The following DOCK8 variants were observed in gnomAD, a reference collection of about 807,000 sequenced individuals.
DOCK8 encodes the protein dedicator of cytokinesis protein 8.
A neutral mutation model predicts 245.6 loss-of-function variants in DOCK8; 141 were observed. The observed-to-expected ratio is 0.57, with a 90% CI of 0.50 to 0.66. The LOEUF (loss-of-function observed/expected upper bound fraction) is 0.66. Among genes scored for constraint, DOCK8 ranks in the 30% least tolerant of loss-of-function variants. DOCK8 has a pLI of 0.00. For synonymous variants in DOCK8, 1,168 were observed against 970.2 expected (o/e 1.20, Z -3.79); for missense variants, 2,965 against 2,603.4 (o/e 1.14, Z -3.02).
chr9:386,352 C>T lies in DOCK8; in HGVS notation c.2800C>T (p.Arg934Ter). 1 of 1,613,822 alleles carries T rather than the reference C, an allele frequency of 6.2e-7. No homozygotes were observed. The highest frequency in any genetic ancestry group is 8.5e-7 in the Non-Finnish European group (1 of 1,179,828). Reference sequence around the variant, plus strand: ...TTAGATCGCCGATCGCAACTGCAGCCGAATGTCTTACTATTGCTCTGGCAG... The same window carrying T: ...TTAGATCGCCGATCGCAACTGCAGCTGAATGTCTTACTATTGCTCTGGCAG... ...SSKIADRNCSRMSYYCSGSSD... is the reference protein window; with the variant it reads ...SSKIADRNCS Residue 934 changes from arginine to a stop codon, truncating the protein, a stop_gained, in exon 23 of 48, where the codon CGA becomes TGA. Transcript: ENST00000432829. LOFTEE classifies it high-confidence loss of function.
intron 4 of DOCK8, among the ~76,000 whole-genome samples, chr9:293,622 G>C (rs2049136649): frequency 6.6e-6 from 1 of 152,230 alleles, no homozygotes; most frequent in Non-Finnish European, 1.5e-5. Context: ...TATTCAGTGA[G>C]TTCCCCTTTG....
intron 1 of DOCK8, among the ~76,000 whole-genome samples, chr9:226,877 A>T (rs940028274): frequency 6.6e-6 from 1 of 152,234 alleles, no homozygotes; most frequent in Non-Finnish European, 1.5e-5. Flanking sequence ...ATATTTTTAC[A>T]TAAGAAGGAA....
chr9:297,233 T>C (rs1475957187), intron 4 of DOCK8, among the ~76,000 whole-genome samples: 1 of 152,134 alleles, frequency 6.6e-6, no homozygotes, highest in Non-Finnish European at 1.5e-5. Flanking sequence ...TTTCCCCCTA[T>C]TTCATACTTG....
intron 32 of DOCK8, among the ~76,000 whole-genome samples, chr9:421,739 A>G (rs772363213): frequency 2.6e-5 from 4 of 152,200 alleles, no homozygotes; most frequent in Non-Finnish European, 4.4e-5. Flanking sequence ...CCCTCATTTG[A>G]CACCCATACT....
chr9:409,097 C>T (rs896367627), intron 28 of DOCK8, among the ~76,000 whole-genome samples: 4 of 148,820 alleles, frequency 2.7e-5, no homozygotes, highest in Non-Finnish European at 5.9e-5. Flanking sequence ...TCCTATTGAT[C>T]AGCACTTCCT....
chr9:274,865 T>C (rs1359217476), intron 2 of DOCK8, among the ~76,000 whole-genome samples: 2 of 152,218 alleles, frequency 1.3e-5, no homozygotes, highest in Admixed American at 6.5e-5. Context: ...CTGACCTTCG[T>C]TTCTCTTACC....
At chr9:222,758 G>A (rs1343031776) in intron 1 of DOCK8, among the ~76,000 whole-genome samples, 2 of 152,154 alleles carry the variant, frequency 1.3e-5, no homozygotes, top group Non-Finnish European at 2.9e-5. Context: ...TTAATAGGTG[G>A]ATTAATGATA....
chr9:363,783 A>G (rs35201673), intron 14 of DOCK8, among the ~76,000 whole-genome samples: 24,389 of 152,176 alleles, frequency 0.16, 2,382 homozygotes, highest in Middle Eastern at 0.26. Context: ...ATGTTTGGAT[A>G]CAGGGGTGAG....
At chr9:214,863 C>T (rs1477548837), upstream of DOCK8, 9 of 1,602,442 alleles carry the variant, frequency 5.6e-6, no homozygotes, top group Admixed American at 3.4e-5. Flanking sequence ...CCAGCGCCGA[C>T]CGACAGACGA....
At chr9:229,537 G>C (rs911346718) in intron 1 of DOCK8, among the ~76,000 whole-genome samples, 17 of 152,162 alleles carry the variant, frequency 1.1e-4, no homozygotes, top group Non-Finnish European at 2.9e-5. Flanking sequence ...GTATCAGAGA[G>C]AGAAGGTGCC....
At chr9:432,375 C>G (rs369888460) in intron 37 of DOCK8, 51 bp downstream of exon 37, 96 of 1,567,532 alleles carry the variant, frequency 6.1e-5, no homozygotes, top group Non-Finnish European at 7.3e-5. Flanking sequence ...GATCTGCCAA[C>G]TATTGTGTAT....
At chr9:357,931 G>C (rs886343185) in intron 14 of DOCK8, among the ~76,000 whole-genome samples, 2 of 152,110 alleles carry the variant, frequency 1.3e-5, no homozygotes, top group African/African-American at 4.8e-5. Flanking sequence ...GTTCCTTTGT[G>C]AATTTGCACT....
chr9:324,036 G>A (rs543506994), intron 7 of DOCK8, among the ~76,000 whole-genome samples: 1 of 152,160 alleles, frequency 6.6e-6, no homozygotes, highest in Non-Finnish European at 1.5e-5. Context: ...CCAGGAAAAT[G>A]GAAAGGCAAG....
intron 8 of DOCK8, among the ~76,000 whole-genome samples, chr9:327,206 AC>A (rs1452534602): frequency 1.3e-5 from 2 of 151,534 alleles, no homozygotes; most frequent in African/African-American, 2.4e-5. Context: ...ATCACCTTCC[AC>A]CCCTGCCTAT....
intron 31 of DOCK8, 69 bp from the exon 32 acceptor site, chr9:420,877 CTGT>C (rs2056246617): frequency 1.8e-5 from 29 of 1,589,474 alleles, no homozygotes; most frequent in Non-Finnish European, 2.4e-5. Flanking sequence ...GTGGAGTGTA[CTGT>C]TTTGGTAACT....
chr9:323,661 C>T (rs531551583), intron 7 of DOCK8, among the ~76,000 whole-genome samples: 2 of 152,290 alleles, frequency 1.3e-5, no homozygotes, highest in South Asian at 2.1e-4. Flanking sequence ...ACAATAACTC[C>T]TTATTCTCCC....
At position 399,331 on chromosome 9, in the gene DOCK8, C is replaced by A. The variant is rs144733513; in HGVS notation, c.3234+72C>A. 1,776 of 1,049,712 alleles carry A rather than the reference C, an allele frequency of 1.7e-3. 2 individuals are homozygous for A. The highest frequency in any genetic ancestry group is 4.8e-3 in the South Asian group (380 of 78,654). 65.0% of individuals were successfully genotyped at this position (1,049,712 alleles called of 1,614,324 possible). On this transcript the variant is annotated intron_variant, in intron 26 of 47. Transcript: ENST00000432829. Reference sequence around the variant, plus strand: ...TTCTCATATAATGTGATGTTCGTTGCCATGGCACGCTGTCTTCTTCATTAC... The same window carrying A: ...TTCTCATATAATGTGATGTTCGTTGACATGGCACGCTGTCTTCTTCATTAC...
At chr9:290,605 C>G (rs1188356416) in intron 4 of DOCK8, among the ~76,000 whole-genome samples, 1 of 152,162 alleles carries the variant, frequency 6.6e-6, no homozygotes, top group Non-Finnish European at 1.5e-5. Context: ...TGCCATGGAC[C>G]TGGACAGCAC....
In DOCK8 at chr9:340,183, C is replaced by T; in HGVS notation, c.1541C>T (p.Thr514Ile). 2 of 1,614,150 alleles carry T rather than the reference C, an allele frequency of 1.2e-6. No individual in the cohort carries two copies. The highest frequency in any genetic ancestry group is 1.3e-5 in the African/African-American group (1 of 75,034). Residue 514 changes from threonine (T) to isoleucine (I), a missense_variant, in exon 14 of 48, where the codon ACA becomes ATA. Around this residue, in one of 3 missense-constraint regions of DOCK8, gnomAD observed 2,825 missense variants for 2,453.5 expected, o/e 1.15. Transcript: ENST00000432829. ...GGCTTGCTAAGACTGGAGATTTCTA[C>T]AGCTCCAGAGATCATCAATTGCTGT... is the stretch of plus-strand genomic sequence containing the variant. ...IPGLLRLEISTAPEIINCCLT... is the reference protein window; with the variant it reads ...IPGLLRLEISIAPEIINCCLT...
Sources: gnomAD v4.1 joint callset for allele counts (sites outside exome capture counted in the v4.1 genomes callset) on GRCh38, gnomAD v4.1.1 for gene constraint, gnomAD v4.1.1 regional missense constraint, MANE v1.5 for transcripts, NCBI Gene and HGNC (gene_info 2026-07-23, HGNC 2026-07-21) for gene names.